The following CDH12 variants were observed in gnomAD, a reference collection of about 807,000 sequenced individuals.
CDH12 encodes the protein cadherin 12, also known as cadherin-12.
CDH12 carries 41 observed loss-of-function variants against 74.1 expected under a neutral mutation model. The ratio of observed to expected loss-of-function variants is 0.55; its 90% CI spans 0.43 to 0.72. The LOEUF (loss-of-function observed/expected upper bound fraction) is 0.72. CDH12 is among the 30% of genes least tolerant of loss of function. CDH12 has a pLI of 0.00. For synonymous variants in CDH12, 399 were observed against 355.0 expected, an observed-to-expected ratio of 1.12 and a Z score of -1.39; for missense variants, 945 against 977.2, an observed-to-expected ratio of 0.97 and a Z score of 0.44.
chr5:21,804,337 C>T (rs1306957185), intron 9 of CDH12, among the ~76,000 whole-genome samples: 1 of 152,076 alleles, frequency 6.6e-6, no homozygotes, highest in African/African-American at 2.4e-5. Flanking sequence ...TTCCTTTGAT[C>T]AGCCTAAAGC....
chr5:22,597,559 A>T (rs921767419), intron 1 of CDH12, among the ~76,000 whole-genome samples: 2 of 152,136 alleles, frequency 1.3e-5, no homozygotes, highest in African/African-American at 4.8e-5. Flanking sequence ...TCAACTCAAA[A>T]GATTGATTAT....
At chr5:22,470,795 A>G (rs1176043687) in intron 2 of CDH12, among the ~76,000 whole-genome samples, 1 of 151,808 alleles carries the variant, frequency 6.6e-6, no homozygotes, top group Non-Finnish European at 1.5e-5. Flanking sequence ...TATATATTAA[A>G]GCTTTTCAGT....
intron 4 of CDH12, among the ~76,000 whole-genome samples, chr5:22,101,522 G>T (rs1333183639): frequency 6.6e-6 from 1 of 152,086 alleles, no homozygotes; most frequent in South Asian, 2.1e-4. Context: ...AAAGTGTATT[G>T]CTTCCAGAGT....
At chr5:21,916,513 T>C (rs1754101754) in intron 6 of CDH12, among the ~76,000 whole-genome samples, 2 of 152,058 alleles carry the variant, frequency 1.3e-5, no homozygotes, top group African/African-American at 2.4e-5. Context: ...TTTTTCCATT[T>C]TTTTTTTTCT....
intron 1 of CDH12, among the ~76,000 whole-genome samples, chr5:22,798,738 C>A (rs960250957): frequency 6.6e-6 from 1 of 152,086 alleles, no homozygotes; most frequent in East Asian, 1.9e-4. Context: ...ATAATGGAAA[C>A]CCTTTATCAA....
At chr5:22,000,900 T>A (rs1419687795) in intron 5 of CDH12, among the ~76,000 whole-genome samples, 1 of 152,142 alleles carries the variant, frequency 6.6e-6, no homozygotes, top group Non-Finnish European at 1.5e-5. Context: ...TTACTTTGCA[T>A]TTGTTGTTTA....
intron 6 of CDH12, among the ~76,000 whole-genome samples, chr5:21,892,569 C>A (rs1752944222): frequency 6.6e-6 from 1 of 151,984 alleles, no homozygotes; most frequent in South Asian, 2.1e-4. Flanking sequence ...GTTTTAAAAG[C>A]CACAAATTCT....
At chr5:21,839,696 T>C (rs1749732015) in intron 8 of CDH12, among the ~76,000 whole-genome samples, 2 of 152,300 alleles carry the variant, frequency 1.3e-5, no homozygotes. Flanking sequence ...ATATTATATA[T>C]TTTAGTAGAT....
intron 2 of CDH12, among the ~76,000 whole-genome samples, chr5:22,477,819 A>G (rs1235042643): frequency 1.3e-5 from 2 of 152,224 alleles, no homozygotes; most frequent in Non-Finnish European, 2.9e-5. Context: ...TACACTGATT[A>G]CAATAAATGG....
chr5:22,719,694 G>C (rs565753678), intron 1 of CDH12, among the ~76,000 whole-genome samples: 1 of 152,172 alleles, frequency 6.6e-6, no homozygotes, highest in Non-Finnish European at 1.5e-5. Flanking sequence ...GGGGGTAGAG[G>C]AGGCTACAGG....
chr5:22,582,630 G>A (rs1740162699), intron 1 of CDH12, among the ~76,000 whole-genome samples: 1 of 152,122 alleles, frequency 6.6e-6, no homozygotes, highest in African/African-American at 2.4e-5. Flanking sequence ...ATATTAGTGA[G>A]AAACATTATT....
In CDH12 at chr5:22,450,780, T is replaced by C. The variant is rs1389605829; in HGVS notation, c.-427-45429A>G. 2.6e-5 allele frequency among the ~76,000 whole-genome samples: 4 copies of C among 151,978 alleles called. No individual in the cohort carries two copies. The East Asian group carries it at 7.7e-4, about 29-fold the overall frequency. ...TCCAGCCCTGGCTAAGAAAGCTCAT[T>C]TGATCAGTCTTGGAACCTAAAGATC... On this transcript the variant is annotated intron_variant, in intron 2 of 14. Transcript: ENST00000382254.
Position 21,970,482 on chromosome 5 carries a change from G to A in CDH12, c.526+4609C>T, listed in dbSNP as rs374983127. Reference sequence around the variant, plus strand: ...TTCTAAGTTATAATAGTTCATTAATGTAAAGTACAGACACAGTCTTCACTT... The same window carrying A: ...TTCTAAGTTATAATAGTTCATTAATATAAAGTACAGACACAGTCTTCACTT... On this transcript the variant is annotated intron_variant, in intron 6 of 14. Coordinates refer to ENST00000382254, the MANE Select transcript of CDH12 (RefSeq NM_004061.5). Among the ~76,000 whole-genome samples, 212 of 152,178 alleles carry A rather than the reference G, an allele frequency of 1.4e-3. 1 individual carries two copies. Among genetic ancestry groups the A allele is most frequent in the South Asian group, 5.2e-3 (25 of 4,824 alleles).
At chr5:21,793,983 G>T (rs2149911380) in intron 10 of CDH12, among the ~76,000 whole-genome samples, 1 of 150,762 alleles carries the variant, frequency 6.6e-6, no homozygotes, top group East Asian at 1.9e-4. Flanking sequence ...TATACTTTGT[G>T]CAAAATTAAT....
intron 6 of CDH12, among the ~76,000 whole-genome samples, chr5:21,971,400 GTAAAA>G (rs1300638445): frequency 9.9e-5 from 15 of 151,978 alleles, no homozygotes; most frequent in Non-Finnish European, 2.1e-4. Flanking sequence ...TAATTGTTAA[GTAAAA>G]TAAGAAATAC....
At chr5:22,194,098 G>GAA (rs772751158) in intron 4 of CDH12, among the ~76,000 whole-genome samples, 14 of 152,122 alleles carry the variant, frequency 9.2e-5, no homozygotes, top group Non-Finnish European at 1.3e-4. Flanking sequence ...CATTGGAGAT[G>GAA]AGTCCTGTCC....
At position 22,418,125 on chromosome 5, in the gene CDH12, G is replaced by A. The variant is rs369645061; in HGVS notation, c.-427-12774C>T. Among the ~76,000 whole-genome samples the A allele has an allele frequency of 6.6e-5, 10 of 152,246 alleles. No homozygotes were observed. The East Asian group carries it at 1.7e-3, about 27-fold the overall frequency. On this transcript the variant is annotated intron_variant, in intron 2 of 14. Transcript: ENST00000382254. ...TTTGTGTCCTCTCTGATTTCCTTGA[G>A]AGGTGGTTTGTAGTTCTCCTTGAAG...
chr5:21,952,328 C>G (rs1290369600), intron 6 of CDH12, among the ~76,000 whole-genome samples: 1 of 152,118 alleles, frequency 6.6e-6, no homozygotes, highest in Non-Finnish European at 1.5e-5. Context: ...GCAAATGGAA[C>G]TAGAATCCCA....
intron 5 of CDH12, among the ~76,000 whole-genome samples, chr5:22,049,504 C>G (rs546206272): frequency 1.1e-4 from 17 of 152,100 alleles, no homozygotes; most frequent in African/African-American, 3.9e-4. Flanking sequence ...AGTTCAGCAG[C>G]CTTTGATTTT....
Sources: gnomAD v4.1 joint callset for allele counts (sites outside exome capture counted in the v4.1 genomes callset) on GRCh38, gnomAD v4.1.1 for gene constraint, MANE v1.5 for transcripts, NCBI Gene and HGNC (gene_info 2026-07-23, HGNC 2026-07-21) for gene names.